Variants in RANBP2 observed in about 807,000 individuals in gnomAD.
The protein encoded by RANBP2 is RAN binding protein 2.
Under a neutral mutation model 303.6 loss-of-function variants are expected in RANBP2, and 57 were observed. The ratio of observed to expected loss-of-function variants is 0.19; its 90% CI spans 0.15 to 0.23. RANBP2 has a LOEUF of 0.23. RANBP2 is among the 10% of genes least tolerant of loss of function. The pLI is 1.00. For missense variants in RANBP2, 3,138 were observed against 3,780.8 expected (o/e 0.83, Z 4.46); for synonymous variants, 1,167 against 1,301.5 (o/e 0.90, Z 2.23).
At chr2:108,843,359 T>C in the RANBP2 span, among the ~76,000 whole-genome samples, 2 of 152,190 alleles carry the variant, frequency 1.3e-5, no homozygotes, top group Non-Finnish European at 2.9e-5. Context: ...GGTTTCGCCA[T>C]GTTGGCCAGG....
In RANBP2 at chr2:108,765,168, G is replaced by C; in HGVS notation, c.4629G>C (p.Lys1543Asn). 1 of 1,614,192 alleles carries C rather than the reference G, an allele frequency of 6.2e-7. No homozygotes were observed. Among genetic ancestry groups the C allele is most frequent in the African/African-American group, 1.3e-5 (1 of 75,056 alleles). The change falls in exon 20 of 29, where the codon AAG becomes AAC. Residue 1543 changes from lysine (K) to asparagine (N), a missense_variant. Physicochemically the swap from Lys to Asn is moderately conservative, Grantham distance 94. This residue lies in a region of RANBP2 where 388 missense variants were observed against 328.5 expected (regional missense o/e 1.18). Transcript: ENST00000283195. ...KSGFEDMFAK[K>N]EGQWDCSSCL... Reference sequence around the variant, plus strand: ...GATTTGAAGACATGTTTGCTAAGAAGGAAGGACAGTGGGATTGCAGTTCAT... The same window carrying C: ...GATTTGAAGACATGTTTGCTAAGAACGAAGGACAGTGGGATTGCAGTTCAT...
the RANBP2 span, among the ~76,000 whole-genome samples, chr2:109,325,715 T>C: frequency 1.1e-3 from 164 of 152,320 alleles, no homozygotes; most frequent in African/African-American, 3.8e-3. Flanking sequence ...AAGCCAGGCA[T>C]CACTACATGT....
chr2:109,400,246 T>C, the RANBP2 span, among the ~76,000 whole-genome samples: 1 of 150,926 alleles, frequency 6.6e-6, no homozygotes, highest in Non-Finnish European at 1.5e-5. Context: ...ACATATTACA[T>C]GGACACTTGA....
At chr2:109,614,811 G>C in the RANBP2 span, 3 of 1,452,592 alleles carry the variant, frequency 2.1e-6, no homozygotes, top group Non-Finnish European at 2.7e-6. Flanking sequence ...GGCCCCCGAC[G>C]GCCCTGCCGG....
chr2:109,552,923 G>T, the RANBP2 span: 3 of 743,246 alleles, frequency 4.0e-6, no homozygotes, highest in Non-Finnish European at 6.3e-6. Context: ...TTAATTTCAG[G>T]CTATGATTCT....
chr2:108,722,099 T>G (rs1410076748), intron 1 of RANBP2, among the ~76,000 whole-genome samples: 2 of 151,594 alleles, frequency 1.3e-5, no homozygotes, highest in Admixed American at 1.3e-4. Flanking sequence ...TTTCTGAGAT[T>G]CTTAGTGGGG....
the RANBP2 span, among the ~76,000 whole-genome samples, chr2:108,953,190 T>G: frequency 6.6e-6 from 1 of 152,230 alleles, no homozygotes; most frequent in Admixed American, 6.5e-5. Flanking sequence ...GTGGCTGAGC[T>G]TTCTGCATTC....
the RANBP2 span, among the ~76,000 whole-genome samples, chr2:109,394,701 G>A: frequency 6.6e-6 from 1 of 152,226 alleles, no homozygotes; most frequent in African/African-American, 2.4e-5. Flanking sequence ...TGATAAACAA[G>A]GTGACGCCAC....
chr2:108,915,082 T>C, the RANBP2 span, among the ~76,000 whole-genome samples: 1 of 151,880 alleles, frequency 6.6e-6, no homozygotes, highest in African/African-American at 2.4e-5. Context: ...CTACTTTTTG[T>C]ATTTTTTATA....
At chr2:108,783,426 ATCT>A (rs1455198621) in intron 28 of RANBP2, among the ~76,000 whole-genome samples, 167 bp from the exon 29 acceptor site, 4 of 148,920 alleles carry the variant, frequency 2.7e-5, no homozygotes, top group South Asian at 2.1e-4. Context: ...TTCATTTTTC[ATCT>A]TCTTTCCAAC....
chr2:109,654,906 CTTT>C, the RANBP2 span, among the ~76,000 whole-genome samples: 4 of 142,342 alleles, frequency 2.8e-5, no homozygotes, highest in African/African-American at 5.1e-5. Context: ...CTTTTCTTTT[CTTT>C]TTTTTTTTTT....
chr2:109,284,291 C>T, the RANBP2 span, among the ~76,000 whole-genome samples: 1 of 152,278 alleles, frequency 6.6e-6, no homozygotes, highest in South Asian at 2.1e-4. Context: ...GTATTAGTAG[C>T]CATGAGTATT....
the RANBP2 span, among the ~76,000 whole-genome samples, chr2:109,583,177 A>G: frequency 6.8e-6 from 1 of 146,916 alleles, no homozygotes; most frequent in Admixed American, 6.7e-5. Context: ...ATTGCCAATT[A>G]AACTAAAGAG....
the RANBP2 span, among the ~76,000 whole-genome samples, chr2:109,226,654 C>T: frequency 6.6e-6 from 1 of 152,210 alleles, no homozygotes; most frequent in African/African-American, 2.4e-5. Context: ...ATCTTGACTT[C>T]TCCCGGGGCC....
chr2:108,897,285 A>C, the RANBP2 span: 1 of 1,469,650 alleles, frequency 6.8e-7, no homozygotes, highest in Non-Finnish European at 9.4e-7. Flanking sequence ...ATAGAAGGTC[A>C]ACACTGAAAA....
At chr2:108,920,150 C>T in the RANBP2 span, among the ~76,000 whole-genome samples, 2 of 152,230 alleles carry the variant, frequency 1.3e-5, no homozygotes, top group Non-Finnish European at 1.5e-5. Context: ...GCTCACGTGC[C>T]GTGGAGCCAT....
chr2:108,854,673 T>A, the RANBP2 span, among the ~76,000 whole-genome samples: 1 of 152,184 alleles, frequency 6.6e-6, no homozygotes, highest in Non-Finnish European at 1.5e-5. Flanking sequence ...GTTGGTAATT[T>A]GGGCTCAGCT....
At chr2:109,487,513 G>T in the RANBP2 span, among the ~76,000 whole-genome samples, 1 of 152,218 alleles carries the variant, frequency 6.6e-6, no homozygotes, top group African/African-American at 2.4e-5. Context: ...TGACATCAGC[G>T]TTTTTCCAAG....
chr2:109,467,435 G>A, the RANBP2 span, among the ~76,000 whole-genome samples: 3 of 152,232 alleles, frequency 2.0e-5, no homozygotes, highest in African/African-American at 7.2e-5. Flanking sequence ...GCACACCCAT[G>A]TTTAGTGACA....
Sources: gnomAD v4.1 joint callset for allele counts (sites outside exome capture counted in the v4.1 genomes callset) on GRCh38, gnomAD v4.1.1 for gene constraint, gnomAD v4.1.1 regional missense constraint, MANE v1.5 for transcripts, NCBI Gene and HGNC (gene_info 2026-07-23, HGNC 2026-07-21) for gene names.